ITPR2: variants seen among roughly 807,000 people sequenced by gnomAD.
ITPR2 encodes inositol 1,4,5-trisphosphate-gated calcium channel ITPR2.
ITPR2 carries 207 observed loss-of-function variants against 317.1 expected under a neutral mutation model. The observed-to-expected ratio is 0.65, with a 90% CI of 0.58 to 0.73. ITPR2 has a LOEUF of 0.73. Among genes scored for constraint, ITPR2 ranks in the 30% least tolerant of loss-of-function variants. ITPR2 has a pLI of 0.00. For missense variants in ITPR2, 2,613 were observed against 3,284.0 expected (o/e 0.80, Z 4.99); for synonymous variants, 1,156 against 1,149.1 (o/e 1.01, Z -0.12).
At chr12:26,350,035 G>C (rs1454964637) in intron 55 of ITPR2, among the ~76,000 whole-genome samples, 2 of 152,150 alleles carry the variant, frequency 1.3e-5, no homozygotes. Flanking sequence ...GAGGGGGTGT[G>C]ACCCATGCCC....
At chr12:26,538,577 C>A (rs1397909067) in intron 37 of ITPR2, among the ~76,000 whole-genome samples, 1 of 151,436 alleles carries the variant, frequency 6.6e-6, no homozygotes, top group Non-Finnish European at 1.5e-5. Context: ...TTCTTTTTTT[C>A]TTTTTTTCTT....
intron 2 of ITPR2, among the ~76,000 whole-genome samples, chr12:26,744,486 C>A (rs1374391913): frequency 6.6e-6 from 1 of 152,214 alleles, no homozygotes; most frequent in Non-Finnish European, 1.5e-5. Context: ...AGCAACCCTT[C>A]CCAAGCTAGC....
chr12:26,718,273 A>G (rs1362672872), intron 5 of ITPR2, among the ~76,000 whole-genome samples: 3 of 151,738 alleles, frequency 2.0e-5, no homozygotes, highest in African/African-American at 7.3e-5. Context: ...TCAACTTCCA[A>G]TTTCTTAAAG....
chr12:26,366,644 G>A (rs539027856), intron 55 of ITPR2, among the ~76,000 whole-genome samples: 3 of 152,262 alleles, frequency 2.0e-5, no homozygotes, highest in Admixed American at 1.3e-4. Context: ...TGCCACAGGA[G>A]GGAAGGACCC....
At chr12:26,376,576 A>G (rs1591974022) in intron 55 of ITPR2, among the ~76,000 whole-genome samples, 1 of 152,074 alleles carries the variant, frequency 6.6e-6, no homozygotes, top group African/African-American at 2.4e-5. Flanking sequence ...GCTCCCTTGA[A>G]TCCATTTCGT....
intron 36 of ITPR2, among the ~76,000 whole-genome samples, chr12:26,551,304 T>G (rs1259250827): frequency 6.6e-6 from 1 of 152,166 alleles, no homozygotes; most frequent in Non-Finnish European, 1.5e-5. Context: ...GACTCCCAAT[T>G]TACCCTCACA....
chr12:26,494,831 G>T (rs1341190630), intron 38 of ITPR2, among the ~76,000 whole-genome samples: 2 of 100,152 alleles, frequency 2.0e-5, no homozygotes, highest in Non-Finnish European at 4.4e-5. Flanking sequence ...TGTAAAAATA[G>T]AACTCTTTAT....
chr12:26,520,192 G>C (rs1377522491), intron 37 of ITPR2, among the ~76,000 whole-genome samples: 1 of 152,150 alleles, frequency 6.6e-6, no homozygotes, highest in Non-Finnish European at 1.5e-5. Context: ...TTGCCTCTCA[G>C]CTCCAAACTC....
chr12:26,472,547 C>G (rs1215882189), intron 45 of ITPR2, among the ~76,000 whole-genome samples: 1 of 151,320 alleles, frequency 6.6e-6, no homozygotes, highest in Non-Finnish European at 1.5e-5. Flanking sequence ...TCATTGATAT[C>G]ATTGATTTAT....
chr12:26,783,129 CAA>C (rs1950125669), intron 2 of ITPR2, among the ~76,000 whole-genome samples: 1 of 152,180 alleles, frequency 6.6e-6, no homozygotes, highest in Non-Finnish European at 1.5e-5. Context: ...CATTTTCCCC[CAA>C]GTCCCTAATT....
intron 2 of ITPR2, among the ~76,000 whole-genome samples, chr12:26,744,719 G>A (rs546965161): frequency 2.6e-5 from 4 of 152,230 alleles, no homozygotes; most frequent in East Asian, 1.9e-4. Flanking sequence ...ATTTTGGATC[G>A]CAAACAGGAA....
intron 45 of ITPR2, among the ~76,000 whole-genome samples, chr12:26,455,370 A>AAAAAAAG (rs1185606605): frequency 7.8e-6 from 1 of 129,016 alleles, no homozygotes. Context: ...AAAAAAAAAA[A>AAAAAAAG]GGTCAGCTTT....
At chr12:26,429,705 A>G (rs1941155624) in intron 48 of ITPR2, among the ~76,000 whole-genome samples, 1 of 152,256 alleles carries the variant, frequency 6.6e-6, no homozygotes, top group African/African-American at 2.4e-5. Flanking sequence ...TTGAGTAAAT[A>G]AACAAAAATA....
At chr12:26,558,881 A>G (rs999946527) in intron 35 of ITPR2, among the ~76,000 whole-genome samples, 1 of 152,156 alleles carries the variant, frequency 6.6e-6, no homozygotes, top group Non-Finnish European at 1.5e-5. Flanking sequence ...CCCCAAATAG[A>G]ACTCCTAATT....
chr12:26,385,623 C>T (rs1041220860), intron 55 of ITPR2, among the ~76,000 whole-genome samples: 1 of 152,178 alleles, frequency 6.6e-6, no homozygotes, highest in Non-Finnish European at 1.5e-5. Context: ...ATCTACAGTT[C>T]CTGTCAGATC....
At chr12:26,817,894 T>G (rs1004132149) in intron 1 of ITPR2, among the ~76,000 whole-genome samples, 2 of 152,200 alleles carry the variant, frequency 1.3e-5, no homozygotes, top group Non-Finnish European at 2.9e-5. Context: ...AAATCCTTCC[T>G]TAAAATACCT....
At chr12:26,639,666 T>C (rs1946940688) in intron 21 of ITPR2, among the ~76,000 whole-genome samples, 1 of 134,664 alleles carries the variant, frequency 7.4e-6, no homozygotes, top group Non-Finnish European at 1.5e-5. Context: ...TTCCCCTTCC[T>C]GTGTCCATGT....
At chr12:26,537,564 T>C (rs183486052) in intron 37 of ITPR2, among the ~76,000 whole-genome samples, 4 of 152,340 alleles carry the variant, frequency 2.6e-5, no homozygotes, top group Admixed American at 1.3e-4. Flanking sequence ...TCTGAGTCAG[T>C]ATCTTCAACA....
intron 35 of ITPR2, among the ~76,000 whole-genome samples, chr12:26,560,753 A>T (rs1366249409): frequency 1.3e-5 from 2 of 152,146 alleles, no homozygotes; most frequent in African/African-American, 4.8e-5. Flanking sequence ...AATGTCTCAC[A>T]CCATTTAGGT....
Sources: allele counts gnomAD v4.1 joint callset (sites outside exome capture counted in the v4.1 genomes callset), GRCh38; gene constraint gnomAD v4.1.1; transcripts MANE v1.5; gene names NCBI Gene and HGNC (gene_info 2026-07-23, HGNC 2026-07-21).